SFMBT1: variants seen among roughly 807,000 people sequenced by gnomAD.
SFMBT1 encodes scm-like with four MBT domains protein 1.
In SFMBT1, 32 loss-of-function variants were observed where a neutral mutation model predicts 108.7. That is an observed-to-expected ratio of 0.29 (90% CI 0.22 to 0.40). The LOEUF (loss-of-function observed/expected upper bound fraction) is 0.40, where lower values mean the gene tolerates loss of function less well. Ranked by LOEUF, SFMBT1 falls within the 10% of genes least tolerant of loss-of-function variation. The pLI, the probability that SFMBT1 is intolerant of heterozygous loss-of-function variation, is 1.00. For missense variants in SFMBT1, 816 were observed against 1,059.6 expected, an observed-to-expected ratio of 0.77 and a Z score of 3.19; for synonymous variants, 348 against 369.5, an observed-to-expected ratio of 0.94 and a Z score of 0.67.
chr3:52,938,503 G>A (rs1703090894), intron 4 of SFMBT1, among the ~76,000 whole-genome samples: 1 of 151,764 alleles, frequency 6.6e-6, no homozygotes, highest in South Asian at 2.1e-4. Context: ...TTTCTATTTT[G>A]TTGTTGTTGT....
chr3:53,011,995 A>G (rs1329437408), intron 1 of SFMBT1, among the ~76,000 whole-genome samples: 2 of 152,238 alleles, frequency 1.3e-5, no homozygotes, highest in African/African-American at 4.8e-5. Context: ...CCACAAAAAA[A>G]GAGAGGTAGG....
chr3:52,943,405 G>C lies in SFMBT1; in HGVS notation c.312C>G (p.Leu104=), dbSNP rs747847537. 9 of 1,614,244 alleles carry C rather than the reference G, an allele frequency of 5.6e-6. No homozygotes were observed. Among genetic ancestry groups the C allele is most frequent in the Non-Finnish European group, 6.8e-6 (8 of 1,180,036 alleles). ...TCTGCTCACACCACCCAATGGGGTA[G>C]AGATCAGCCTTCCTGATGTCACACC... ...DFWCDIRKAD[L]YPIGWCEQNK... is the part of the protein sequence containing the mutation. Residue 104 remains leucine (L), a synonymous_variant, in exon 4 of 21, where the codon CTC becomes CTG. Coordinates refer to ENST00000394752, the MANE Select transcript of SFMBT1 (RefSeq NM_016329.4).
Position 52,905,234 on chromosome 3 carries a change from C to T in SFMBT1, c.2503G>A (p.Val835Ile), listed in dbSNP as rs903280541. Residue 835 changes from valine (V) to isoleucine (I), a missense_variant, in exon 21 of 21, where the codon GTT becomes ATT. By Grantham distance (29) the Val-to-Ile change is conservative. Around this residue, in one of 5 missense-constraint regions of SFMBT1, gnomAD observed 49 missense variants for 91.8 expected, o/e 0.53. Transcript: ENST00000394752. ...AATTTTAAGTCCATGCATTCTTGAA[C>T]AGTGGGAAGGGTAAGGAGCAACAGG... ...QALLLLTLPTVQECMDLKLGP... is the reference protein window; with the variant it reads ...QALLLLTLPTIQECMDLKLGP... 2 of 1,613,904 alleles carry T rather than the reference C, an allele frequency of 1.2e-6. No homozygotes were observed. The highest frequency in any genetic ancestry group is 1.7e-6 in the Non-Finnish European group (2 of 1,179,956).
Position 53,045,227 on chromosome 3 carries a change from C to T in SFMBT1, c.-131+589G>A, listed in dbSNP as rs1700184746. On this transcript the variant is annotated intron_variant, in intron 1 of 20. Transcript: ENST00000394752. ...GCCCGGAGCCACCGGTTGCGGCGGC[C>T]ACTAGACGCTCCGCCACCGCGCAGC... is the stretch of plus-strand genomic sequence containing the variant. 3 of 149,844 alleles carry T rather than the reference C, an allele frequency of 2.0e-5. No individual in the cohort carries two copies. The East Asian group carries it at 5.9e-4, about 30-fold the overall frequency. The allele number at this position is 149,844 out of a possible 1,614,324, so 9.3% of individuals were successfully genotyped here. A position where few individuals can be genotyped will look rare whatever the true frequency, so the allele number is the denominator to read the frequency against.
At chr3:53,039,643 C>A (rs1699971520) in intron 1 of SFMBT1, among the ~76,000 whole-genome samples, 1 of 152,122 alleles carries the variant, frequency 6.6e-6, no homozygotes, top group Non-Finnish European at 1.5e-5. Context: ...TAACTTACCA[C>A]AACCATACGT....
intron 13 of SFMBT1, 47 bp from the exon 14 acceptor site, chr3:52,916,261 A>G (rs1559509209): frequency 2.6e-6 from 4 of 1,556,230 alleles, no homozygotes; most frequent in Non-Finnish European, 3.5e-6. Context: ...TCTTAAGATC[A>G]GTAAAGTGTG....
Position 52,999,121 on chromosome 3 carries a change from T to G in SFMBT1, c.-130-29863A>C, listed in dbSNP as rs1161809699. Among the ~76,000 whole-genome samples the G allele has an allele frequency of 1.3e-5, 2 of 150,764 alleles. 1 individual carries two copies. The highest frequency in any genetic ancestry group is 1.3e-4 in the Admixed American group (2 of 15,050). ...CGGCGTCTGCTGATCAAGGGCCCAG[T>G]ACAAAGGCCGTCATGGAGATCCAGG... On this transcript the variant is annotated intron_variant, in intron 1 of 20. Coordinates refer to ENST00000394752, the MANE Select transcript of SFMBT1 (RefSeq NM_016329.4).
intron 1 of SFMBT1, among the ~76,000 whole-genome samples, chr3:53,010,345 G>C (rs921979132): frequency 6.6e-6 from 1 of 152,150 alleles, no homozygotes; most frequent in Non-Finnish European, 1.5e-5. Context: ...CCCAGGGGAG[G>C]ACAAAGGGAG....
rs543161410 is a variant in SFMBT1 at position 52,951,126 on chromosome 3, A to AAAAAAG, written c.123+3190_123+3191insCTTTTT. On this transcript the variant is annotated intron_variant, in intron 3 of 20. Coordinates refer to ENST00000394752, the MANE Select transcript of SFMBT1 (RefSeq NM_016329.4). ...GCAAGACTCTTATCTTAAAAAAAAAAAAAAAAGAAAAATCCAAGGTTTTCT... is the reference window on the plus strand; with the variant it reads ...GCAAGACTCTTATCTTAAAAAAAAAAAAAAAGAAAAAAGAAAAATCCAAGGTTTTCT... 1.4e-3 allele frequency among the ~76,000 whole-genome samples: 183 copies of AAAAAAG among 134,190 alleles called. 7 individuals carry two copies. Among genetic ancestry groups the AAAAAAG allele is most frequent in the African/African-American group, 3.6e-3 (135 of 37,156 alleles). 88.0% of individuals were successfully genotyped at this position (134,190 alleles called of 152,430 possible).
intron 1 of SFMBT1, among the ~76,000 whole-genome samples, chr3:52,984,901 G>A (rs1489597454): frequency 1.3e-5 from 2 of 152,012 alleles, no homozygotes; most frequent in Non-Finnish European, 2.9e-5. Flanking sequence ...TTACTGATTA[G>A]TACCAGGATA....
intron 13 of SFMBT1, 52 bp downstream of exon 13, chr3:52,918,432 A>AT: frequency 7.1e-7 from 1 of 1,403,478 alleles, no homozygotes. Context: ...TGAAATAGTT[A>AT]TTTTTCTAGA....
chr3:52,916,878 A>T (rs906434772), intron 13 of SFMBT1, among the ~76,000 whole-genome samples: 4 of 152,192 alleles, frequency 2.6e-5, no homozygotes, highest in African/African-American at 9.7e-5. Flanking sequence ...TCACAAATAA[A>T]CTACTCATTT....
intron 1 of SFMBT1, among the ~76,000 whole-genome samples, chr3:52,980,560 A>G (rs1324827673): frequency 6.6e-6 from 1 of 152,098 alleles, no homozygotes; most frequent in Admixed American, 6.6e-5. Context: ...ATTATAAGAA[A>G]AAGCTGGATT....
chr3:52,985,567 T>C (rs1199552984), intron 1 of SFMBT1, among the ~76,000 whole-genome samples: 1 of 152,212 alleles, frequency 6.6e-6, no homozygotes. Flanking sequence ...ATTTTACAGA[T>C]GAGGAAAAGT....
At chr3:52,925,438 ATTTGT>A (rs1440477950) in intron 10 of SFMBT1, among the ~76,000 whole-genome samples, 1 of 152,252 alleles carries the variant, frequency 6.6e-6, no homozygotes, top group Non-Finnish European at 1.5e-5. Flanking sequence ...GGTGAATTTA[ATTTGT>A]TTTAATAAAG....
At chr3:52,949,746 ATTTTGTAT>A (rs1198209542) in intron 3 of SFMBT1, among the ~76,000 whole-genome samples, 1 of 151,152 alleles carries the variant, frequency 6.6e-6, no homozygotes, top group Non-Finnish European at 1.5e-5. Context: ...CGCCTGGCTA[ATTTTGTAT>A]TTTTAGTAGA....
chr3:52,987,152 A>C (rs1313543829), intron 1 of SFMBT1, among the ~76,000 whole-genome samples: 1 of 152,108 alleles, frequency 6.6e-6, no homozygotes, highest in Non-Finnish European at 1.5e-5. Context: ...CATCTCCTTG[A>C]TAACAGTGCC....
intron 17 of SFMBT1, among the ~76,000 whole-genome samples, chr3:52,910,361 G>C (rs557148555): frequency 3.9e-5 from 6 of 152,080 alleles, no homozygotes; most frequent in Non-Finnish European, 7.4e-5. Context: ...TATCCTATTA[G>C]ATACAATAAC....
At chr3:52,954,859 A>T (rs1317408190) in intron 2 of SFMBT1, among the ~76,000 whole-genome samples, 1 of 6 alleles carries the variant, frequency 0.17, no homozygotes, top group Non-Finnish European at 0.5. Flanking sequence ...TTACCTTAAT[A>T]AAAAAAAAAA....
Sources: allele counts gnomAD v4.1 joint callset (sites outside exome capture counted in the v4.1 genomes callset), GRCh38; gene constraint gnomAD v4.1.1; regional missense constraint gnomAD v4.1.1; transcripts MANE v1.5; gene names NCBI Gene and HGNC (gene_info 2026-07-23, HGNC 2026-07-21).